FGD6: variants seen among roughly 807,000 people sequenced by gnomAD.
FGD6 encodes the protein FYVE, RhoGEF and PH domain containing 6.
Under a neutral mutation model 149.4 loss-of-function variants are expected in FGD6, and 90 were observed. The observed-to-expected ratio is 0.60, with a 90% CI of 0.51 to 0.72. FGD6 has a LOEUF of 0.72. FGD6 is among the 30% of genes least tolerant of loss of function. The probability of loss-of-function intolerance (pLI) is 0.00; values close to 1 mark genes in which losing one functional copy is unlikely to be tolerated. For synonymous variants in FGD6, 527 were observed against 584.0 expected (o/e 0.90, Z 1.41); for missense variants, 1,437 against 1,684.8 (o/e 0.85, Z 2.57).
chr12:95,162,584 A>T (rs755558022), intron 3 of FGD6, among the ~76,000 whole-genome samples: 6 of 152,186 alleles, frequency 3.9e-5, no homozygotes, highest in Non-Finnish European at 8.8e-5. Flanking sequence ...TGAACAATGG[A>T]AACGAACTGA....
intron 3 of FGD6, among the ~76,000 whole-genome samples, chr12:95,162,898 C>CTT (rs1330859406): frequency 6.6e-6 from 1 of 152,170 alleles, no homozygotes; most frequent in East Asian, 1.9e-4. Flanking sequence ...TTAAATGATC[C>CTT]TTTCCTCTCC....
At chr12:95,182,078 C>A (rs1245994993) in intron 2 of FGD6, among the ~76,000 whole-genome samples, 1 of 152,058 alleles carries the variant, frequency 6.6e-6, no homozygotes, top group Admixed American at 6.6e-5. Context: ...CCCTTCACAT[C>A]CTCATTATGT....
intron 15 of FGD6, among the ~76,000 whole-genome samples, chr12:95,093,934 C>T (rs978483363): frequency 2.0e-5 from 3 of 151,448 alleles, no homozygotes; most frequent in African/African-American, 4.8e-5. Flanking sequence ...CCGAGGCAGG[C>T]GGAAAACCAG....
chr12:95,216,337 C>T (rs1331831569), intron 1 of FGD6, among the ~76,000 whole-genome samples: 2 of 152,184 alleles, frequency 1.3e-5, no homozygotes, highest in Non-Finnish European at 2.9e-5. Flanking sequence ...AACTATTTCA[C>T]TATAAAATTT....
At chr12:95,202,435 T>C (rs1456891544) in intron 2 of FGD6, among the ~76,000 whole-genome samples, 1 of 151,928 alleles carries the variant, frequency 6.6e-6, no homozygotes, top group African/African-American at 2.4e-5. Context: ...TAAAATATCA[T>C]TTATCTGCTT....
At chr12:95,126,242 G>T in intron 8 of FGD6, 1 of 1,280,856 alleles carries the variant, frequency 7.8e-7, no homozygotes, top group South Asian at 1.2e-5. Flanking sequence ...CAAAAAAGAT[G>T]ACCGCTGTGG....
At chr12:95,121,307 G>A (rs990738895) in intron 8 of FGD6, among the ~76,000 whole-genome samples, 61 of 151,520 alleles carry the variant, frequency 4.0e-4, no homozygotes, top group African/African-American at 1.3e-3. Context: ...CGGGCATGGC[G>A]GCAGGCACCT....
chr12:95,178,564 A>AT (rs1028550790), intron 2 of FGD6, among the ~76,000 whole-genome samples: 2 of 152,162 alleles, frequency 1.3e-5, no homozygotes, highest in Non-Finnish European at 2.9e-5. Context: ...ACATCTATCA[A>AT]TTTTTTTATG....
Position 95,164,462 on chromosome 12 carries a change from C to T in FGD6, c.2586+8138G>A, listed in dbSNP as rs186968469. On this transcript the variant is annotated intron_variant, in intron 3 of 20. Coordinates refer to ENST00000343958, the MANE Select transcript of FGD6 (RefSeq NM_018351.4). ...CTTTTTTTTTTGAGACAGAGTCTTG[C>T]TCTATCACCCAGGCTGGACTGCAGT... 7.2e-5 allele frequency among the ~76,000 whole-genome samples: 11 copies of T among 152,084 alleles called. No homozygotes were observed. The East Asian group carries it at 2.1e-3, about 29-fold the overall frequency.
chr12:95,100,095 A>C (rs1878375042), intron 14 of FGD6, among the ~76,000 whole-genome samples: 1 of 124,452 alleles, frequency 8.0e-6, no homozygotes, highest in African/African-American at 3.0e-5. Flanking sequence ...TGACCTCATC[A>C]CTTTCTATCT....
At chr12:95,089,826 G>A (rs1877992355) in intron 17 of FGD6, 130 bp from the exon 18 acceptor site, 3 of 1,178,292 alleles carry the variant, frequency 2.5e-6, no homozygotes, top group African/African-American at 1.5e-5. Flanking sequence ...GATAACTCCT[G>A]GAAAAGGACA....
intron 14 of FGD6, among the ~76,000 whole-genome samples, chr12:95,097,602 C>T (rs1878275988): frequency 7.0e-6 from 1 of 142,812 alleles, no homozygotes; most frequent in Non-Finnish European, 1.5e-5. Flanking sequence ...TGCCACTGCA[C>T]TCCAGCCTGG....
In FGD6 at chr12:95,211,164, A is replaced by G; in HGVS notation, c.120T>C (p.Ser40=). ...IAPKPDIVIS[S]VPQSTKKMKP... is the part of the protein sequence containing the mutation. ...TCATTTTCTTTGTCGACTGTGGAAC[A>G]CTAGAAATCACAATGTCGGGTTTAG... is the stretch of plus-strand genomic sequence containing the variant. The change falls in exon 2 of 21, where the codon AGT becomes AGC. Residue 40 remains serine (S), a synonymous_variant. Transcript: ENST00000343958. The G allele has an allele frequency of 6.2e-7, 1 of 1,614,132 alleles. No homozygotes were observed. Among genetic ancestry groups the G allele is most frequent in the Non-Finnish European group, 8.5e-7 (1 of 1,180,022 alleles).
In FGD6 at chr12:95,208,985, T is replaced by G; in HGVS notation, c.2299A>C (p.Met767Leu). The G allele has an allele frequency of 6.2e-7, 1 of 1,614,168 alleles. No homozygotes were observed. Among genetic ancestry groups the G allele is most frequent in the South Asian group, 1.1e-5 (1 of 91,080 alleles). ...AACTCTTGAGTTTTCCGTATAGCCA[T>G]AATAAATGGCAAGTTCTCGTACTCT... ...IPEYENLPFI[M>L]AIRKTQELEW... The change falls in exon 2 of 21, where the codon ATG becomes CTG. Residue 767 changes from methionine to leucine, a missense_variant. Transcript: ENST00000343958.
intron 2 of FGD6, among the ~76,000 whole-genome samples, chr12:95,193,920 TTATTA>T (rs1258048179): frequency 1.3e-5 from 2 of 151,938 alleles, no homozygotes; most frequent in African/African-American, 4.8e-5. Context: ...ATTTTCTACT[TTATTA>T]TTTTATATTT....
At chr12:95,127,068 C>T (rs183315161) in intron 8 of FGD6, among the ~76,000 whole-genome samples, 67 of 151,818 alleles carry the variant, frequency 4.4e-4, no homozygotes, top group African/African-American at 1.4e-3. Flanking sequence ...CCTTTGGGCT[C>T]GTCAGAAACT....
At chr12:95,082,407 C>T (rs1044529673) in intron 20 of FGD6, among the ~76,000 whole-genome samples, 2 of 151,894 alleles carry the variant, frequency 1.3e-5, no homozygotes, top group Non-Finnish European at 2.9e-5. Flanking sequence ...CCTGTAATCC[C>T]AGTACTTTGG....
intron 2 of FGD6, among the ~76,000 whole-genome samples, chr12:95,174,241 T>C (rs1422899103): frequency 1.3e-5 from 2 of 152,134 alleles, no homozygotes; most frequent in Non-Finnish European, 2.9e-5. Context: ...CCCCGCCGGA[T>C]AGTTAATTGT....
intron 5 of FGD6, among the ~76,000 whole-genome samples, chr12:95,151,168 C>G (rs1317483585): frequency 6.6e-6 from 1 of 151,958 alleles, no homozygotes; most frequent in East Asian, 1.9e-4. Context: ...ATGTGAGAAA[C>G]TATTCACAGG....
Sources: gnomAD v4.1 joint callset for allele counts (sites outside exome capture counted in the v4.1 genomes callset) on GRCh38, gnomAD v4.1.1 for gene constraint, MANE v1.5 for transcripts, NCBI Gene and HGNC (gene_info 2026-07-23, HGNC 2026-07-21) for gene names.